The following LITAF variants were observed in gnomAD, a reference collection of about 807,000 sequenced individuals.
LITAF encodes lipopolysaccharide-induced tumor necrosis factor-alpha factor.
In LITAF, 9 loss-of-function variants were observed where a neutral mutation model predicts 14.5. That is an observed-to-expected ratio of 0.62 (90% CI 0.37 to 1.08). The LOEUF (loss-of-function observed/expected upper bound fraction) is 1.08, where lower values mean the gene tolerates loss of function less well. Ranked by LOEUF, LITAF falls within the 50% of genes least tolerant of loss-of-function variation. The pLI is 0.01. For missense variants in LITAF, 206 were observed against 213.4 expected, an observed-to-expected ratio of 0.97 and a Z score of 0.22; for synonymous variants, 98 against 88.2, an observed-to-expected ratio of 1.11 and a Z score of -0.62.
At chr16:11,613,331 G>T (rs940453338) in intron 3 of LITAF, among the ~76,000 whole-genome samples, 1 of 152,194 alleles carries the variant, frequency 6.6e-6, no homozygotes, top group African/African-American at 2.4e-5. Flanking sequence ...AGAGAGACGG[G>T]ACACTCGCAT....
chr16:11,552,182 C>T (rs182632697), intron 3 of LITAF, among the ~76,000 whole-genome samples: 187 of 152,304 alleles, frequency 1.2e-3, no homozygotes, highest in Middle Eastern at 3.4e-3. Context: ...GCTCCTGAAA[C>T]TCACAAACAC....
intron 3 of LITAF, among the ~76,000 whole-genome samples, chr16:11,617,897 G>T (rs186144325): frequency 1.3e-5 from 2 of 151,658 alleles, no homozygotes; most frequent in African/African-American, 4.9e-5. Flanking sequence ...TTGAGACAGG[G>T]TCTCACTCTG....
chr16:11,623,699 G>A (rs1328971639), intron 3 of LITAF, among the ~76,000 whole-genome samples: 4 of 150,890 alleles, frequency 2.7e-5, no homozygotes, highest in African/African-American at 9.8e-5. Context: ...AAGTATGGTG[G>A]CTCACCCCTG....
At chr16:11,621,572 C>G (rs118147687) in intron 3 of LITAF, among the ~76,000 whole-genome samples, 1 of 152,172 alleles carries the variant, frequency 6.6e-6, no homozygotes, top group African/African-American at 2.4e-5. Context: ...ATTAACCCCC[C>G]TCAGAAGCAG....
At chr16:11,627,399 G>C (rs1214959090) in intron 3 of LITAF, among the ~76,000 whole-genome samples, 2 of 152,226 alleles carry the variant, frequency 1.3e-5, no homozygotes, top group African/African-American at 4.8e-5. Context: ...TGACAGCATG[G>C]TCTGAGCTTC....
Position 11,568,318 on chromosome 16 carries a change from T to C in LITAF, c.-5-11583A>G, listed in dbSNP as rs75981144. Among the ~76,000 whole-genome samples the C allele has an allele frequency of 5.6e-3, 817 of 147,176 alleles. 9 individuals carry two copies. Among genetic ancestry groups the C allele is most frequent in the African/African-American group, 0.019 (774 of 40,072 alleles). On this transcript the variant is annotated intron_variant, in intron 1 of 3. Coordinates refer to ENST00000622633, the MANE Select transcript of LITAF (RefSeq NM_001136472.2). ...AAAAAAAAAAAGAAAAGAGAGAGGG[T>C]AGTTCTTACCACTGTATTATCCATT...
chr16:11,565,375 G>A lies in LITAF; in HGVS notation c.-5-8640C>T, dbSNP rs1045882090. Among the ~76,000 whole-genome samples the A allele has an allele frequency of 4.5e-4, 64 of 140,904 alleles. 1 individual carries two copies. The highest frequency in any genetic ancestry group is 1.5e-3 in the African/African-American group (59 of 38,066). 92.4% of individuals were successfully genotyped at this position (140,904 alleles called of 152,430 possible). A position where few individuals can be genotyped will look rare whatever the true frequency, so the allele number is the denominator to read the frequency against. On this transcript the variant is annotated intron_variant, in intron 1 of 3. Transcript: ENST00000622633. ...TGGGATTACAGGCATGGGCCACCGC[G>A]CCTGGCCTTGAATTACTCACTTTTA... is the stretch of plus-strand genomic sequence containing the variant.
intron 3 of LITAF, among the ~76,000 whole-genome samples, chr16:11,631,835 C>T (rs1057490378): frequency 6.6e-6 from 1 of 151,096 alleles, no homozygotes; most frequent in Non-Finnish European, 1.5e-5. Context: ...CTGCAAAGAC[C>T]CTATTTTCTT....
chr16:11,613,724 G>A (rs2064998290), intron 3 of LITAF, among the ~76,000 whole-genome samples: 2 of 152,208 alleles, frequency 1.3e-5, no homozygotes, highest in African/African-American at 4.8e-5. Flanking sequence ...CGGAGGGTGT[G>A]GCGTGTGCCG....
chr16:11,586,941 C>G (rs940333203), upstream of LITAF: 30 of 151,372 alleles, frequency 2.0e-4, no homozygotes, highest in African/African-American at 6.5e-4. The surrounding 1 kb of genome is among the most constrained non-coding windows in gnomAD (Gnocchi z 6.5). Context: ...TCGGGCGCCC[C>G]GAGAAAAGGG....
chr16:11,555,008 A>G (rs7404728), intron 2 of LITAF, among the ~76,000 whole-genome samples: 117,835 of 152,010 alleles, frequency 0.78, 45,964 homozygotes, highest in Admixed American at 0.84. Flanking sequence ...AAGTAGTATT[A>G]AATCATACTT....
chr16:11,610,507 A>C (rs868349426), intron 3 of LITAF, among the ~76,000 whole-genome samples: 1 of 152,120 alleles, frequency 6.6e-6, no homozygotes. Context: ...ATGGCTTGAG[A>C]ATCAAAAGCT....
At chr16:11,603,745 A>G (rs1255768976) in intron 3 of LITAF, among the ~76,000 whole-genome samples, 2 of 152,178 alleles carry the variant, frequency 1.3e-5, no homozygotes, top group Admixed American at 1.3e-4. Flanking sequence ...ATAAATGCAC[A>G]TTTAAGAATC....
In LITAF at chr16:11,621,102, C is replaced by T. The variant is rs1597374078; in HGVS notation, c.85+12431G>A. On this transcript the variant is annotated intron_variant, in intron 3 of 3. Transcript: ENST00000574848. ...GAGATGGAGTTTCGCTCTTGTTGCC[C>T]AGCCTGGAGTGCAATGGCAGTGCGC... Among the ~76,000 whole-genome samples the T allele has an allele frequency of 2.0e-5, 3 of 152,216 alleles. No individual in the cohort carries two copies. The South Asian group carries it at 6.2e-4, about 32-fold the overall frequency.
intron 1 of LITAF, among the ~76,000 whole-genome samples, chr16:11,568,526 TC>T (rs2064491863): frequency 6.6e-6 from 1 of 152,062 alleles, no homozygotes; most frequent in African/African-American, 2.4e-5. Context: ...TCAAGCAGAT[TC>T]TGAGTCTCTA....
At chr16:11,612,364 G>A (rs570813467) in intron 3 of LITAF, among the ~76,000 whole-genome samples, 7 of 152,216 alleles carry the variant, frequency 4.6e-5, no homozygotes, top group African/African-American at 7.2e-5. Context: ...CCACCTGGGG[G>A]GCAGCCTGGA....
At chr16:11,557,085 TGTG>T (rs1358053307) in intron 1 of LITAF, among the ~76,000 whole-genome samples, 2 of 151,468 alleles carry the variant, frequency 1.3e-5, no homozygotes, top group Non-Finnish European at 2.9e-5. Flanking sequence ...TTTGTTTTTT[TGTG>T]GTTTTTTTGG....
At chr16:11,603,575 G>A (rs1157844342) in intron 3 of LITAF, among the ~76,000 whole-genome samples, 2 of 152,220 alleles carry the variant, frequency 1.3e-5, no homozygotes, top group African/African-American at 4.8e-5. Context: ...ACGCCCTGGG[G>A]GACACAGCTG....
intron 1 of LITAF, among the ~76,000 whole-genome samples, chr16:11,595,672 T>C (rs1861666): frequency 0.43 from 65,728 of 151,958 alleles, 15,554 homozygotes; most frequent in African/African-American, 0.63. Context: ...GAGCTTGCAG[T>C]GAGCTGAGAT....
Sources: gnomAD v4.1 joint callset for allele counts (sites outside exome capture counted in the v4.1 genomes callset) on GRCh38, gnomAD v4.1.1 for gene constraint, Gnocchi (gnomAD v3.1) non-coding constraint, MANE v1.5 for transcripts, NCBI Gene and HGNC (gene_info 2026-07-23, HGNC 2026-07-21) for gene names.